SLC2A9: variants seen among roughly 807,000 people sequenced by gnomAD.
SLC2A9 encodes solute carrier family 2, facilitated glucose transporter member 9.
Under a neutral mutation model 50.6 loss-of-function variants are expected in SLC2A9, and 39 were observed. The observed-to-expected ratio is 0.77, with a 90% CI of 0.60 to 1.01. The LOEUF (loss-of-function observed/expected upper bound fraction) is 1.01, where lower values mean the gene tolerates loss of function less well. Ranked by LOEUF, SLC2A9 falls within the 50% of genes least tolerant of loss-of-function variation. The pLI, the probability that SLC2A9 is intolerant of heterozygous loss-of-function variation, is 0.00. For synonymous variants in SLC2A9, 324 were observed against 276.9 expected, an observed-to-expected ratio of 1.17 and a Z score of -1.69; for missense variants, 686 against 677.6, an observed-to-expected ratio of 1.01 and a Z score of -0.14.
At chr4:9,971,153 A>G (rs1213865989) in intron 5 of SLC2A9, among the ~76,000 whole-genome samples, 1 of 152,176 alleles carries the variant, frequency 6.6e-6, no homozygotes, top group Non-Finnish European at 1.5e-5. Context: ...TCTACAATTC[A>G]TTGTGTGAGA....
At chr4:9,915,088 G>A (rs561455175) in intron 7 of SLC2A9, among the ~76,000 whole-genome samples, 52 of 152,292 alleles carry the variant, frequency 3.4e-4, no homozygotes, top group Non-Finnish European at 7.1e-4. Flanking sequence ...TTGAGGCTCA[G>A]AGGGGTGAAG....
upstream of SLC2A9, among the ~76,000 whole-genome samples, chr4:10,026,345 T>TA (rs202226390): frequency 1.3e-5 from 2 of 151,840 alleles, no homozygotes; most frequent in African/African-American, 4.8e-5. Flanking sequence ...ATTTTTTTTT[T>TA]AAAAATCAAC....
In SLC2A9 at chr4:9,994,099, A is replaced by T. The variant is rs573409462; in HGVS notation, c.410+2682T>A. 3.2e-4 allele frequency among the ~76,000 whole-genome samples: 48 copies of T among 152,336 alleles called. No homozygotes were observed. In the South Asian group the frequency reaches 9.5e-3, roughly 30 times the overall value. On this transcript the variant is annotated intron_variant, in intron 3 of 11. Coordinates refer to ENST00000264784, the MANE Select transcript of SLC2A9 (RefSeq NM_020041.3). ...GGAGAGGAATAACAGAGCATCAGGA[A>T]GGCGTTTCAAATAGCATCATGTCAC...
rs577908935 is a variant in SLC2A9, at chr4:10,027,511, C to T, written c.-40-1505G>A. 2.4e-4 allele frequency among the ~76,000 whole-genome samples: 37 copies of T among 152,150 alleles called. No homozygotes were observed. In the East Asian group the frequency reaches 6.8e-3, roughly 28 times the overall value. On this transcript the variant is annotated intron_variant, in intron 1 of 12. Coordinates refer to the SLC2A9 transcript ENST00000309065. ...TGATCTGAATGAGCTCATCAACAAG[C>T]CACATCTTGCCAGAACCAACAGTCA... is the stretch of plus-strand genomic sequence containing the variant.
intron 8 of SLC2A9, among the ~76,000 whole-genome samples, chr4:9,897,651 C>T (rs980935719): frequency 6.6e-6 from 1 of 151,948 alleles, no homozygotes; most frequent in African/African-American, 2.4e-5. Flanking sequence ...CTTTGGGAGG[C>T]CAAAATGGGT....
At chr4:9,910,710 C>T (rs1278916371) in intron 7 of SLC2A9, among the ~76,000 whole-genome samples, 2 of 152,224 alleles carry the variant, frequency 1.3e-5, no homozygotes, top group Admixed American at 1.3e-4. Flanking sequence ...TGGCTCCTCT[C>T]ACCCCTCACA....
chr4:9,771,784 G>A (rs1716857971), intron 1 of SLC2A9, among the ~76,000 whole-genome samples: 1 of 152,218 alleles, frequency 6.6e-6, no homozygotes, highest in African/African-American at 2.4e-5. Context: ...GGAGATCCTG[G>A]TGTGCATTGG....
chr4:9,811,613 G>C (rs1164462588), intron 3 of SLC2A9, among the ~76,000 whole-genome samples: 2 of 152,132 alleles, frequency 1.3e-5, no homozygotes, highest in Admixed American at 1.3e-4. Flanking sequence ...ACACCACCTG[G>C]CCACAAATGA....
chr4:9,959,169 G>A (rs1482475625), intron 5 of SLC2A9, among the ~76,000 whole-genome samples: 2 of 151,134 alleles, frequency 1.3e-5, no homozygotes, highest in Admixed American at 6.6e-5. Context: ...AATGTGGTTC[G>A]AGATCAGCTT....
intron 8 of SLC2A9, among the ~76,000 whole-genome samples, chr4:9,891,953 A>C (rs7669444): frequency 6.6e-6 from 1 of 152,058 alleles, no homozygotes; most frequent in African/African-American, 2.4e-5. Flanking sequence ...TGCGAAGGTC[A>C]CAGCACTGAG....
intron 4 of SLC2A9, 146 bp downstream of exon 4, chr4:9,985,523 T>C (rs1475496789): frequency 2.8e-6 from 3 of 1,080,814 alleles, no homozygotes; most frequent in Non-Finnish European, 4.1e-6. Flanking sequence ...TGTCCCACTT[T>C]ATGCAGAGTT....
At chr4:10,022,798 A>G (rs781173601), upstream of SLC2A9, among the ~76,000 whole-genome samples, 38 of 152,354 alleles carry the variant, frequency 2.5e-4, no homozygotes, top group Non-Finnish European at 4.0e-4. Context: ...CGGCCCTGAC[A>G]TGCACGGTGG....
At chr4:9,893,387 T>C (rs555161700) in intron 8 of SLC2A9, among the ~76,000 whole-genome samples, 1 of 152,078 alleles carries the variant, frequency 6.6e-6, no homozygotes, top group African/African-American at 2.4e-5. Context: ...GGCAGAATGA[T>C]TCTCATTTGC....
chr4:9,974,237 C>T (rs1358066484), intron 5 of SLC2A9, among the ~76,000 whole-genome samples: 1 of 152,142 alleles, frequency 6.6e-6, no homozygotes, highest in East Asian at 1.9e-4. Flanking sequence ...AGACAAGGTG[C>T]CCACTCTCAC....
intron 3 of SLC2A9, among the ~76,000 whole-genome samples, chr4:9,991,934 GC>G (rs1757785197): frequency 6.6e-6 from 1 of 152,244 alleles, no homozygotes; most frequent in African/African-American, 2.4e-5. Context: ...ACCAATGCAT[GC>G]TTGCCACATA....
intron 10 of SLC2A9, among the ~76,000 whole-genome samples, chr4:9,870,719 G>A (rs1415096909): frequency 1.3e-5 from 2 of 152,230 alleles, no homozygotes; most frequent in Non-Finnish European, 2.9e-5. Context: ...GCTGGAAAAA[G>A]GAGACTTTGG....
chr4:9,822,546 T>C (rs1164532747), downstream of SLC2A9, among the ~76,000 whole-genome samples: 4 of 152,206 alleles, frequency 2.6e-5, no homozygotes, highest in Admixed American at 6.5e-5. Context: ...ATTTTCTCAC[T>C]CTTTTACTTT....
At chr4:9,988,462 T>C (rs1359089044) in intron 3 of SLC2A9, among the ~76,000 whole-genome samples, 3 of 152,258 alleles carry the variant, frequency 2.0e-5, no homozygotes, top group Non-Finnish European at 4.4e-5. Context: ...ATCATATTAA[T>C]ATATTCCTTC....
In SLC2A9 at chr4:9,950,688, T is replaced by TA. The variant is rs1210456384; in HGVS notation, c.682-8644_682-8643insT. Among the ~76,000 whole-genome samples the TA allele has an allele frequency of 4.8e-3, 458 of 96,028 alleles. 39 individuals are homozygous for TA. Among genetic ancestry groups the TA allele is most frequent in the East Asian group, 0.026 (87 of 3,330 alleles). 63.0% of individuals were successfully genotyped at this position (96,028 alleles called of 152,430 possible). ...TGTGAAAGAAAACAGTATGGAGAGA[T>TA]CGAGACCATCCTGGCTAACACGGTG... On this transcript the variant is annotated intron_variant, in intron 5 of 11. Transcript: ENST00000264784.
Sources: allele counts gnomAD v4.1 joint callset (sites outside exome capture counted in the v4.1 genomes callset), GRCh38; gene constraint gnomAD v4.1.1; transcripts MANE v1.5; gene names NCBI Gene and HGNC (gene_info 2026-07-23, HGNC 2026-07-21).